Variants in PPP1R37 observed in about 807,000 individuals in gnomAD.
PPP1R37 encodes protein phosphatase 1 regulatory subunit 37, also known as leucine rich repeat containing 68.
In PPP1R37, 21 loss-of-function variants were observed where a neutral mutation model predicts 61.0. The observed-to-expected ratio is 0.34, with a 90% CI of 0.24 to 0.50. The LOEUF is 0.50. PPP1R37 is among the 20% of genes least tolerant of loss of function. The pLI is 0.98. For missense variants in PPP1R37, 910 were observed against 952.7 expected (o/e 0.96, Z 0.59); for synonymous variants, 443 against 433.5 (o/e 1.02, Z -0.27).
At chr19:45,142,633 G>A (rs886148483) in intron 7 of PPP1R37, 175 bp downstream of exon 7, 37 of 687,720 alleles carry the variant, frequency 5.4e-5, no homozygotes, top group Non-Finnish European at 8.4e-5. Flanking sequence ...AGAGTGGGCA[G>A]GACTGGGCTG....
At chr19:45,144,789 C>T in intron 8 of PPP1R37, 65 bp from the exon 9 acceptor site, 2 of 1,380,264 alleles carry the variant, frequency 1.4e-6, no homozygotes, top group Non-Finnish European at 1.9e-6. Context: ...TCTTTCCTGA[C>T]TTGGCCTCCT....
At chr19:45,104,596 C>T (rs959543356) in intron 1 of PPP1R37, among the ~76,000 whole-genome samples, 18 of 152,202 alleles carry the variant, frequency 1.2e-4, no homozygotes, top group Admixed American at 2.0e-4. Flanking sequence ...CCTGCTCCCT[C>T]TCCAACCCGC....
At chr19:45,106,257 T>TC (rs1191174371) in intron 1 of PPP1R37, among the ~76,000 whole-genome samples, 2 of 152,036 alleles carry the variant, frequency 1.3e-5, no homozygotes, top group African/African-American at 4.8e-5. Flanking sequence ...TGTTTTTTTT[T>TC]TGAGATGGAG....
At chr19:45,133,062 G>T (rs568324714) in intron 1 of PPP1R37, among the ~76,000 whole-genome samples, 1 of 152,022 alleles carries the variant, frequency 6.6e-6, no homozygotes. Context: ...AGGCAGTCTC[G>T]CCCCAGAACT....
rs1352679242 is a variant in PPP1R37 at position 45,146,317 on chromosome 19, TG to T, written c.1994-69del. The T allele has an allele frequency of 3.6e-6, 5 of 1,403,896 alleles. No homozygotes were observed. In the East Asian group the frequency reaches 1.0e-4, roughly 28 times the overall value. 87.0% of individuals were successfully genotyped at this position (1,403,896 alleles called of 1,614,324 possible). ...ACTCTGCAGGCCCTGAGGGTCTGGC[TG>T]GGGCCGGGCTGGGGACAGGTTGTAT... is the stretch of plus-strand genomic sequence containing the variant. On this transcript the variant is annotated intron_variant, in intron 11 of 12. Transcript: ENST00000221462.
intron 1 of PPP1R37, among the ~76,000 whole-genome samples, chr19:45,103,596 A>T (rs1372052339): frequency 6.9e-6 from 1 of 144,562 alleles, no homozygotes; most frequent in Non-Finnish European, 1.5e-5. Flanking sequence ...GCACTGTCAC[A>T]GCTGAACTCG....
chr19:45,118,588 A>G (rs908684233), intron 1 of PPP1R37, among the ~76,000 whole-genome samples: 2 of 152,192 alleles, frequency 1.3e-5, no homozygotes, highest in African/African-American at 4.8e-5. Context: ...ATAACTGCGT[A>G]GTAAATGACA....
At chr19:45,117,113 A>G (rs941113166) in intron 1 of PPP1R37, among the ~76,000 whole-genome samples, 3 of 152,024 alleles carry the variant, frequency 2.0e-5, no homozygotes, top group Non-Finnish European at 4.4e-5. Flanking sequence ...GGGTTTCACC[A>G]TATTGGTCAG....
chr19:45,132,526 C>T (rs1193314452), intron 1 of PPP1R37, among the ~76,000 whole-genome samples: 2 of 152,068 alleles, frequency 1.3e-5, no homozygotes, highest in Non-Finnish European at 2.9e-5. Context: ...GTCTTGAACT[C>T]CTGGTTTCAA....
intron 1 of PPP1R37, among the ~76,000 whole-genome samples, chr19:45,126,272 A>G (rs1475799284): frequency 6.6e-6 from 1 of 152,218 alleles, no homozygotes; most frequent in Non-Finnish European, 1.5e-5. Flanking sequence ...GGTGGCAGCA[A>G]CTGTAACATA....
At chr19:45,120,014 CTTTTTTTTTTT>C (rs11312138) in intron 1 of PPP1R37, among the ~76,000 whole-genome samples, 3 of 83,602 alleles carry the variant, frequency 3.6e-5, no homozygotes, top group African/African-American at 4.9e-5. Flanking sequence ...TTTTCCCCTT[CTTTTTTTTTTT>C]TTTTTTTTTT....
intron 1 of PPP1R37, among the ~76,000 whole-genome samples, chr19:45,101,669 G>A (rs1968064337): frequency 6.6e-6 from 1 of 152,210 alleles, no homozygotes; most frequent in Non-Finnish European, 1.5e-5. Flanking sequence ...AGTGAGCTGT[G>A]ATCACACCAC....
At chr19:45,127,563 C>T (rs997719930) in intron 1 of PPP1R37, among the ~76,000 whole-genome samples, 2 of 152,084 alleles carry the variant, frequency 1.3e-5, no homozygotes, top group Non-Finnish European at 2.9e-5. Flanking sequence ...ATGGGACCAC[C>T]GGCTGCATAT....
intron 1 of PPP1R37, among the ~76,000 whole-genome samples, chr19:45,135,310 G>A (rs1489766276): frequency 2.0e-5 from 3 of 152,194 alleles, no homozygotes; most frequent in African/African-American, 7.2e-5. Context: ...CAGGGGTTAT[G>A]GTGGTATCCA....
At chr19:45,127,695 G>A (rs546638361) in intron 1 of PPP1R37, among the ~76,000 whole-genome samples, 33 of 152,192 alleles carry the variant, frequency 2.2e-4, no homozygotes, top group Admixed American at 3.3e-4. Flanking sequence ...TCAATGTTTG[G>A]GCCGGGCGCG....
In PPP1R37 at chr19:45,130,347, G is replaced by A. The variant is rs1049927095; in HGVS notation, c.203-8167G>A. 6.6e-5 allele frequency among the ~76,000 whole-genome samples: 10 copies of A among 152,132 alleles called. No individual in the cohort carries two copies. Among genetic ancestry groups the A allele is most frequent in the South Asian group, 2.1e-4 (1 of 4,824 alleles). On this transcript the variant is annotated intron_variant, in intron 1 of 12. Coordinates refer to ENST00000221462, the MANE Select transcript of PPP1R37 (RefSeq NM_019121.2). The surrounding 1 kb of genome is among the most constrained non-coding windows in gnomAD (Gnocchi z 4.4). The stretch of plus-strand genomic sequence containing the variant: ...TCTGCCCCTCGCCCCCAGTGGCTCC[G>A]GTCTCCTGCAGAATGAGAGCGAAGT...
rs542027238 is a variant in PPP1R37 at position 45,133,374 on chromosome 19, G to A, written c.203-5140G>A. Among the ~76,000 whole-genome samples the A allele has an allele frequency of 8.5e-5, 13 of 152,252 alleles. No individual in the cohort carries two copies. In the South Asian group the frequency reaches 1.0e-3, roughly 12 times the overall value. ...GCTGGGATTACAGGCGTGAGCCACC[G>A]CGCCCGGCCCAGAATTCACGTTCTT... On this transcript the variant is annotated intron_variant, in intron 1 of 12. Transcript: ENST00000221462.
intron 1 of PPP1R37, among the ~76,000 whole-genome samples, chr19:45,098,189 G>A (rs1204374818): frequency 1.3e-5 from 2 of 151,858 alleles, no homozygotes; most frequent in East Asian, 3.9e-4. Flanking sequence ...CTTCAGCACT[G>A]CCAGGCTGGG....
chr19:45,129,938 C>T (rs916029056), intron 1 of PPP1R37, among the ~76,000 whole-genome samples: 4 of 152,188 alleles, frequency 2.6e-5, no homozygotes, highest in African/African-American at 9.7e-5. Flanking sequence ...CAGACCTGGG[C>T]CTTTTAGTCT....
Sources: gnomAD v4.1 joint callset for allele counts (sites outside exome capture counted in the v4.1 genomes callset) on GRCh38, gnomAD v4.1.1 for gene constraint, Gnocchi (gnomAD v3.1) non-coding constraint, MANE v1.5 for transcripts, NCBI Gene and HGNC (gene_info 2026-07-23, HGNC 2026-07-21) for gene names.